DPYSL2: variants seen among roughly 807,000 people sequenced by gnomAD.
DPYSL2 encodes the protein dihydropyrimidinase like 2, also known as dihydropyrimidinase-related protein 2.
Under a neutral mutation model 69.9 loss-of-function variants are expected in DPYSL2, and 13 were observed. The observed-to-expected ratio is 0.19, with a 90% CI of 0.12 to 0.30. The LOEUF (loss-of-function observed/expected upper bound fraction) is 0.30. Among genes scored for constraint, DPYSL2 ranks in the 10% least tolerant of loss-of-function variants. The probability of loss-of-function intolerance (pLI) is 1.00; values close to 1 mark genes in which losing one functional copy is unlikely to be tolerated. For synonymous variants in DPYSL2, 326 were observed against 359.1 expected, an observed-to-expected ratio of 0.91 and a Z score of 1.04; for missense variants, 587 against 918.9, an observed-to-expected ratio of 0.64 and a Z score of 4.67.
At chr8:26,526,738 A>C (rs1315219077) in intron 1 of DPYSL2, among the ~76,000 whole-genome samples, 1 of 152,208 alleles carries the variant, frequency 6.6e-6, no homozygotes, top group Non-Finnish European at 1.5e-5. Context: ...GACTACCAGG[A>C]ACACAACTGT....
In DPYSL2 at chr8:26,650,810, T is replaced by C. The variant is rs1374672352; in HGVS notation, c.1597-1447T>C. 1.3e-5 allele frequency among the ~76,000 whole-genome samples: 2 copies of C among 152,162 alleles called. No individual in the cohort carries two copies. Among genetic ancestry groups the C allele is most frequent in the Non-Finnish European group, 1.5e-5 (1 of 68,030 alleles). ...GAGGGAAAAATGTCTCCCCCAAGAATTGGAACTGGAAGTGGGTGCTTGTCC... is the reference window on the plus strand; with the variant it reads ...GAGGGAAAAATGTCTCCCCCAAGAACTGGAACTGGAAGTGGGTGCTTGTCC... On this transcript the variant is annotated intron_variant, in intron 11 of 13. Coordinates refer to ENST00000521913, the MANE Select transcript of DPYSL2 (RefSeq NM_001197293.3). This position sits in a 1 kb window ranked among gnomAD's most constrained non-coding sequence, Gnocchi z 5.3.
chr8:26,538,602 C>T (rs530771842), intron 1 of DPYSL2, among the ~76,000 whole-genome samples: 1 of 152,258 alleles, frequency 6.6e-6, no homozygotes, highest in African/African-American at 2.4e-5. Context: ...CAAAGATGTT[C>T]CTGCCTTGAG....
intron 3 of DPYSL2, among the ~76,000 whole-genome samples, chr8:26,596,610 T>A (rs975202023): frequency 6.6e-6 from 1 of 152,206 alleles, no homozygotes; most frequent in African/African-American, 2.4e-5. Context: ...TTATCGGGAA[T>A]CTGTGGGACG....
At chr8:26,531,272 AC>A (rs1409769122) in intron 1 of DPYSL2, among the ~76,000 whole-genome samples, 2 of 152,114 alleles carry the variant, frequency 1.3e-5, no homozygotes, top group Non-Finnish European at 1.5e-5. Flanking sequence ...TCTGAAGAGA[AC>A]ACAGGGGCAT....
In DPYSL2 at chr8:26,648,446, C is replaced by G. The variant is rs1413916754; in HGVS notation, c.1596+646C>G. On this transcript the variant is annotated intron_variant, in intron 11 of 13. Coordinates refer to ENST00000521913, the MANE Select transcript of DPYSL2 (RefSeq NM_001197293.3). This position sits in a 1 kb window ranked among gnomAD's most constrained non-coding sequence, Gnocchi z 4.3. ...CCAGGGCAAGTCTGTTAATGTCTTACGCTCCTCAGCTGAGAGTGAGGGGTT... is the reference window on the plus strand; with the variant it reads ...CCAGGGCAAGTCTGTTAATGTCTTAGGCTCCTCAGCTGAGAGTGAGGGGTT... 1.3e-5 allele frequency among the ~76,000 whole-genome samples: 2 copies of G among 152,164 alleles called. No individual in the cohort carries two copies. Among genetic ancestry groups the G allele is most frequent in the Non-Finnish European group, 2.9e-5 (2 of 68,042 alleles).
intron 3 of DPYSL2, among the ~76,000 whole-genome samples, chr8:26,603,191 G>T (rs1468129087): frequency 1.3e-5 from 2 of 151,144 alleles, no homozygotes; most frequent in Non-Finnish European, 1.5e-5. Flanking sequence ...TATTTTTTTT[G>T]AGACAGGGTC....
chr8:26,594,704 C>T (rs1801818855), intron 3 of DPYSL2, among the ~76,000 whole-genome samples: 1 of 152,142 alleles, frequency 6.6e-6, no homozygotes, highest in Admixed American at 6.6e-5. Flanking sequence ...ATCAATTGAC[C>T]ATTCATCTGT....
At position 26,571,508 on chromosome 8, in the gene DPYSL2, G is replaced by A. The variant is rs1031548238; in HGVS notation, c.355-10461G>A. Among the ~76,000 whole-genome samples, 7 of 152,176 alleles carry A rather than the reference G, an allele frequency of 4.6e-5. No homozygotes were observed. Among genetic ancestry groups the A allele is most frequent in the Admixed American group, 3.3e-4 (5 of 15,270 alleles). On this transcript the variant is annotated intron_variant, in intron 1 of 13. Coordinates refer to ENST00000521913, the MANE Select transcript of DPYSL2 (RefSeq NM_001197293.3). The surrounding 1 kb of genome is among the most constrained non-coding windows in gnomAD (Gnocchi z 6.1). Reference sequence around the variant, plus strand: ...CCCAGGGAACATCTGTAGCCACCCAGAGAATGAGGTGCAGGGTGGGCATTG... The same window carrying A: ...CCCAGGGAACATCTGTAGCCACCCAAAGAATGAGGTGCAGGGTGGGCATTG...
intron 7 of DPYSL2, among the ~76,000 whole-genome samples, chr8:26,630,290 C>T (rs563644677): frequency 1.3e-5 from 2 of 152,310 alleles, no homozygotes; most frequent in East Asian, 3.9e-4. Context: ...TCGCCAGATT[C>T]CCCAGGATCC....
rs771160273 is a variant in DPYSL2, at chr8:26,647,768, G to A, written c.1564G>A (p.Val522Ile). 9.3e-6 allele frequency: 15 copies of A among 1,613,842 alleles called. No individual in the cohort carries two copies. The highest frequency in any genetic ancestry group is 5.0e-5 in the Admixed American group (3 of 59,960). ...CCTGGTCATCTGGGACCCCGACAGCGTTAAAACCATCTCTGCCAAGACACA... is the reference window on the plus strand; with the variant it reads ...CCTGGTCATCTGGGACCCCGACAGCATTAAAACCATCTCTGCCAAGACACA... ...ADLVIWDPDS[V>I]KTISAKTHNS... Residue 522 changes from valine to isoleucine, a missense_variant, in exon 11 of 14, where the codon GTT becomes ATT. Val to Ile is a conservative substitution (Grantham distance 29). Transcript: ENST00000521913. This position sits in a 1 kb window ranked among gnomAD's most constrained non-coding sequence, Gnocchi z 5.1.
rs1801662999 is a variant in DPYSL2, at chr8:26,588,946, T to C, written c.628+4963T>C. Among the ~76,000 whole-genome samples, 1 of 152,220 alleles carries C rather than the reference T, an allele frequency of 6.6e-6. No homozygotes were observed. Among genetic ancestry groups the C allele is most frequent in the South Asian group, 2.1e-4 (1 of 4,836 alleles). On this transcript the variant is annotated intron_variant, in intron 3 of 13. Transcript: ENST00000521913. The surrounding 1 kb of genome is among the most constrained non-coding windows in gnomAD (Gnocchi z 5.4). ...CCCTTACCCACACAGATTTGACTTT[T>C]GTCACCTCTTCCTGGATTTTGGCCC...
intron 1 of DPYSL2, among the ~76,000 whole-genome samples, chr8:26,529,272 CTATCATCT>C (rs772272727): frequency 1.1e-3 from 166 of 147,684 alleles, no homozygotes; most frequent in African/African-American, 2.0e-3. Flanking sequence ...ATCTATCTAT[CTATCATCT>C]ATCTATCTAT....
rs993966350 is a variant in DPYSL2 at position 26,627,626 on chromosome 8, C to T, written c.937-246C>T. Reference sequence around the variant, plus strand: ...ACCGTGGCTGAGGGTTGCAAATGCACCAGTCGTCAGCATCCCAGGGAACAG... The same window carrying T: ...ACCGTGGCTGAGGGTTGCAAATGCATCAGTCGTCAGCATCCCAGGGAACAG... On this transcript the variant is annotated intron_variant, in intron 6 of 13. Coordinates refer to ENST00000521913, the MANE Select transcript of DPYSL2 (RefSeq NM_001197293.3). This position sits in a 1 kb window ranked among gnomAD's most constrained non-coding sequence, Gnocchi z 6.9. Among the ~76,000 whole-genome samples, 4 of 152,132 alleles carry T rather than the reference C, an allele frequency of 2.6e-5. No individual in the cohort carries two copies. The highest frequency in any genetic ancestry group is 4.4e-5 in the Non-Finnish European group (3 of 68,026).
intron 1 of DPYSL2, among the ~76,000 whole-genome samples, chr8:26,555,409 A>G (rs1800929059): frequency 6.6e-6 from 1 of 152,216 alleles, no homozygotes; most frequent in Non-Finnish European, 1.5e-5. Flanking sequence ...TCAAGATTGT[A>G]GGATATGAGG....
chr8:26,515,055 T>G (rs1808254920), intron 1 of DPYSL2, among the ~76,000 whole-genome samples: 1 of 152,194 alleles, frequency 6.6e-6, no homozygotes, highest in South Asian at 2.1e-4. Context: ...GCCCCACCCT[T>G]TTTTTGAGCG....
intron 1 of DPYSL2, among the ~76,000 whole-genome samples, chr8:26,553,972 AC>A (rs1414585118): frequency 6.8e-6 from 1 of 147,150 alleles, no homozygotes; most frequent in African/African-American, 2.5e-5. Context: ...GATCTCTGCA[AC>A]CTCTGCTTTC....
At chr8:26,623,912 G>A (rs1219260075) in intron 3 of DPYSL2, 10 of 530,714 alleles carry the variant, frequency 1.9e-5, no homozygotes, top group Non-Finnish European at 3.0e-5. Context: ...GATCTGGGCA[G>A]TGCATGTGTG....
At chr8:26,596,688 T>C (rs536424440) in intron 3 of DPYSL2, among the ~76,000 whole-genome samples, 1 of 152,244 alleles carries the variant, frequency 6.6e-6, no homozygotes, top group Non-Finnish European at 1.5e-5. Context: ...ATCCTCCTGT[T>C]ATAAATGAAG....
rs1801721879 is a variant in DPYSL2, at chr8:26,591,308, C to T, written c.628+7325C>T. Among the ~76,000 whole-genome samples, 1 of 152,166 alleles carries T rather than the reference C, an allele frequency of 6.6e-6. No individual in the cohort carries two copies. Among genetic ancestry groups the T allele is most frequent in the Non-Finnish European group, 1.5e-5 (1 of 68,038 alleles). ...GTGGGGCCCATGGGAATGCTAGGCT[C>T]CAGCAAGTTCTGCCTGACCTTTGGA... On this transcript the variant is annotated intron_variant, in intron 3 of 13. Transcript: ENST00000521913. This position sits in a 1 kb window ranked among gnomAD's most constrained non-coding sequence, Gnocchi z 5.8.
Sources: gnomAD v4.1 joint callset for allele counts (sites outside exome capture counted in the v4.1 genomes callset) on GRCh38, gnomAD v4.1.1 for gene constraint, Gnocchi (gnomAD v3.1) non-coding constraint, MANE v1.5 for transcripts, NCBI Gene and HGNC (gene_info 2026-07-23, HGNC 2026-07-21) for gene names.